The following SCN8A variants were observed in gnomAD, a reference collection of about 807,000 sequenced individuals.
The protein encoded by SCN8A is sodium channel protein type 8 subunit alpha.
Under a neutral mutation model 184.1 loss-of-function variants are expected in SCN8A, and 30 were observed. The ratio of observed to expected loss-of-function variants is 0.16; its 90% CI spans 0.12 to 0.22. SCN8A has a LOEUF of 0.22. Among genes scored for constraint, SCN8A ranks in the 10% least tolerant of loss-of-function variants. SCN8A has a pLI of 1.00. For synonymous variants in SCN8A, 852 were observed against 907.0 expected (o/e 0.94, Z 1.09); for missense variants, 1,057 against 2,498.9 (o/e 0.42, Z 12.30).
At chr12:51,803,610 C>T (rs1483701860) in intron 26 of SCN8A, among the ~76,000 whole-genome samples, 1 of 152,102 alleles carries the variant, frequency 6.6e-6, no homozygotes, top group Non-Finnish European at 1.5e-5. Context: ...TGGGGACAAA[C>T]ACACATTCAT....
chr12:51,628,947 T>C (rs1260656450), intron 1 of SCN8A, among the ~76,000 whole-genome samples: 2 of 152,046 alleles, frequency 1.3e-5, no homozygotes, highest in Non-Finnish European at 2.9e-5. Flanking sequence ...TAGATAAACA[T>C]AGAAGTGTGT....
At chr12:51,708,601 C>T (rs1244716715) in intron 11 of SCN8A, among the ~76,000 whole-genome samples, 1 of 152,280 alleles carries the variant, frequency 6.6e-6, no homozygotes, top group South Asian at 2.1e-4. Context: ...TCTCACTTTC[C>T]GGTTCAGTCT....
intron 6 of SCN8A, among the ~76,000 whole-genome samples, chr12:51,691,952 C>T (rs1941516732): frequency 6.6e-6 from 1 of 152,164 alleles, no homozygotes; most frequent in Non-Finnish European, 1.5e-5. Context: ...AAGGCGGGAG[C>T]ACCAGTGTAT....
At chr12:51,614,252 T>C (rs1939784310) in intron 1 of SCN8A, among the ~76,000 whole-genome samples, 1 of 152,136 alleles carries the variant, frequency 6.6e-6, no homozygotes, top group South Asian at 2.1e-4. Flanking sequence ...ATTTTGTATA[T>C]TTGAAGGTTC....
chr12:51,778,043 G>C (rs1937765777), intron 20 of SCN8A, among the ~76,000 whole-genome samples: 1 of 152,202 alleles, frequency 6.6e-6, no homozygotes, highest in Non-Finnish European at 1.5e-5. Flanking sequence ...ATGATGGATA[G>C]ATGGAGAGAA....
chr12:51,794,685 C>T (rs1350976066), intron 26 of SCN8A, 44 bp downstream of exon 26: 2 of 1,577,696 alleles, frequency 1.3e-6, no homozygotes, highest in Non-Finnish European at 1.7e-6. Context: ...GGGGACCTGA[C>T]TGATTGTGAG....
intron 14 of SCN8A, among the ~76,000 whole-genome samples, chr12:51,752,775 A>T (rs1458907334): frequency 6.6e-6 from 1 of 152,254 alleles, no homozygotes; most frequent in African/African-American, 2.4e-5. Context: ...TGGCTGACAC[A>T]GTACCTTGGC....
intron 1 of SCN8A, among the ~76,000 whole-genome samples, chr12:51,602,725 G>A (rs1374037069): frequency 1.3e-5 from 2 of 152,114 alleles, no homozygotes; most frequent in African/African-American, 4.8e-5. Context: ...CCAAAATATA[G>A]GGACCAGAAA....
chr12:51,674,720 C>T (rs1021239849), intron 2 of SCN8A, among the ~76,000 whole-genome samples: 2 of 152,212 alleles, frequency 1.3e-5, no homozygotes, highest in African/African-American at 2.4e-5. Context: ...GCAGTGGCAG[C>T]ATCATAACCA....
In SCN8A at chr12:51,765,979, C is replaced by T; in HGVS notation, c.2853C>T (p.Ala951=). 1 of 1,614,090 alleles carries T rather than the reference C, an allele frequency of 6.2e-7. No homozygotes were observed. The highest frequency in any genetic ancestry group is 8.5e-7 in the Non-Finnish European group (1 of 1,180,000). ...MWDCMEVAGQ[A]MCLIVFMMVM... ...ACTGCATGGAAGTGGCAGGCCAGGC[C>T]ATGTGCCTCATTGTCTTTATGATGG... The change falls in exon 16 of 27, where the codon GCC becomes GCT. Residue 951 remains alanine, a synonymous_variant. Coordinates refer to ENST00000627620, the MANE Select transcript of SCN8A (RefSeq NM_001330260.2).
intron 1 of SCN8A, among the ~76,000 whole-genome samples, chr12:51,633,469 G>A (rs890654796): frequency 2.6e-5 from 4 of 152,180 alleles, no homozygotes; most frequent in African/African-American, 7.2e-5. Flanking sequence ...CTGTTTGGCC[G>A]AGGAGGTTTG....
intron 25 of SCN8A, among the ~76,000 whole-genome samples, chr12:51,792,488 C>CAAAAAA (rs71092723): frequency 1.9e-5 from 1 of 51,592 alleles, no homozygotes; most frequent in Non-Finnish European, 3.5e-5. Context: ...GACCCTATCT[C>CAAAAAA]AAAAAAAAAA....
At chr12:51,645,950 TAAA>T (rs35944797) in intron 1 of SCN8A, among the ~76,000 whole-genome samples, 1 of 14,044 alleles carries the variant, frequency 7.1e-5, no homozygotes, top group Admixed American at 1.1e-3. Flanking sequence ...AATGATCAAT[TAAA>T]AAAAAAAAAA....
intron 2 of SCN8A, among the ~76,000 whole-genome samples, chr12:51,675,073 G>T (rs1941199644): frequency 6.6e-6 from 1 of 152,186 alleles, no homozygotes; most frequent in African/African-American, 2.4e-5. Context: ...CCTGCATTTT[G>T]CTCTTGCTTA....
At chr12:51,639,927 T>A (rs1940410038) in intron 1 of SCN8A, among the ~76,000 whole-genome samples, 1 of 109,382 alleles carries the variant, frequency 9.1e-6, no homozygotes, top group Non-Finnish European at 1.8e-5. Flanking sequence ...TGAGATGGGG[T>A]CTCAGCTTGT....
chr12:51,636,156 G>A (rs1244301726), intron 1 of SCN8A, among the ~76,000 whole-genome samples: 1 of 152,080 alleles, frequency 6.6e-6, no homozygotes, highest in Non-Finnish European at 1.5e-5. Context: ...CACCACGCCT[G>A]GCTAATTTTT....
At chr12:51,705,018 T>G (rs1337806273) in intron 9 of SCN8A, among the ~76,000 whole-genome samples, 1 of 152,170 alleles carries the variant, frequency 6.6e-6, no homozygotes, top group Non-Finnish European at 1.5e-5. Flanking sequence ...TTCCTTCAAC[T>G]TGGACCTGAT....
chr12:51,780,828 G>A, intron 21 of SCN8A, 57 bp downstream of exon 21: 1 of 1,453,176 alleles, frequency 6.9e-7, no homozygotes, highest in Non-Finnish European at 9.0e-7. Context: ...GTTTAAGCAT[G>A]CTAGAACTGA....
At chr12:51,789,240 C>G in intron 23 of SCN8A, 41 bp from the exon 24 acceptor site, 3 of 1,610,678 alleles carry the variant, frequency 1.9e-6, no homozygotes, top group Non-Finnish European at 2.5e-6. Flanking sequence ...AAACTCCAAA[C>G]TAGGAGCTGA....
Sources: gnomAD v4.1 joint callset for allele counts (sites outside exome capture counted in the v4.1 genomes callset) on GRCh38, gnomAD v4.1.1 for gene constraint, MANE v1.5 for transcripts, NCBI Gene and HGNC (gene_info 2026-07-23, HGNC 2026-07-21) for gene names.